Variants in COL4A3 observed in about 807,000 individuals in gnomAD.
COL4A3 encodes collagen type IV alpha 3 chain.
A neutral mutation model predicts 217.4 loss-of-function variants in COL4A3; 135 were observed. The observed-to-expected ratio is 0.62, with a 90% CI of 0.54 to 0.72. The LOEUF (loss-of-function observed/expected upper bound fraction) is 0.72, where lower values mean the gene tolerates loss of function less well. COL4A3 is among the 30% of genes least tolerant of loss of function. COL4A3 has a pLI of 0.00. For missense variants in COL4A3, 1,868 were observed against 2,119.9 expected, an observed-to-expected ratio of 0.88 and a Z score of 2.33; for synonymous variants, 690 against 736.3, an observed-to-expected ratio of 0.94 and a Z score of 1.02.
In COL4A3 at chr2:227,310,783, G is replaced by C. The variant is rs1396148189; in HGVS notation, c.4763G>C (p.Ser1588Thr). ...WKGFSFIMFT[S>T]AGSEGTGQAL... ...TTTTTAAAATTGTGGTAGTTCACAA[G>C]TGCAGGTTCTGAGGGCACCGGGCAA... Residue 1588 changes from serine to threonine, a missense_variant, in exon 51 of 52, where the codon AGT (serine) becomes ACT (threonine). This residue lies in a region of COL4A3 where 1,503 missense variants were observed against 1,786.1 expected (regional missense o/e 0.84). Transcript: ENST00000396578. 1 of 1,613,990 alleles carries C rather than the reference G, an allele frequency of 6.2e-7. No homozygotes were observed. The highest frequency in any genetic ancestry group is 8.5e-7 in the Non-Finnish European group (1 of 1,179,872).
At chr2:227,247,682 T>A in intron 8 of COL4A3, 98 bp downstream of exon 8, 1 of 1,223,716 alleles carries the variant, frequency 8.2e-7, no homozygotes, top group South Asian at 1.2e-5. Context: ...ACAAATAAGA[T>A]TTCATAATCC....
chr2:227,228,848 T>A (rs1212296578), intron 1 of COL4A3, among the ~76,000 whole-genome samples: 2 of 152,140 alleles, frequency 1.3e-5, no homozygotes, highest in Non-Finnish European at 2.9e-5. Flanking sequence ...CACCTGCAGT[T>A]TAGGGAAAGT....
At chr2:227,170,316 G>A (rs1022002338) in intron 1 of COL4A3, among the ~76,000 whole-genome samples, 1 of 151,214 alleles carries the variant, frequency 6.6e-6, no homozygotes, top group Middle Eastern at 3.2e-3. Flanking sequence ...TTGTATTACT[G>A]TGCTGACCAG....
intron 50 of COL4A3, 110 bp downstream of exon 50, chr2:227,309,428 G>A: frequency 9.9e-6 from 8 of 808,188 alleles, no homozygotes; most frequent in Non-Finnish European, 1.5e-5. Flanking sequence ...GTCCGTGTGT[G>A]CAACATGCCA....
In COL4A3 at chr2:227,297,830, G is replaced by C; in HGVS notation, c.3722G>C (p.Arg1241Pro). Residue 1241 changes from arginine (R) to proline (P), a missense_variant, in exon 42 of 52, where the codon CGT becomes CCT. Coordinates refer to ENST00000396578, the MANE Select transcript of COL4A3 (RefSeq NM_000091.5). ...GAIIPGQTGN[R>P]GPPGSRGSPG... is the part of the protein sequence containing the mutation. Reference sequence around the variant, plus strand: ...ATTATCCCTGGCCAGACAGGAAATCGTGGTCCACCAGGCTCAAGAGGAAGC... The same window carrying C: ...ATTATCCCTGGCCAGACAGGAAATCCTGGTCCACCAGGCTCAAGAGGAAGC... 1 of 1,563,892 alleles carries C rather than the reference G, an allele frequency of 6.4e-7. No individual in the cohort carries two copies. The highest frequency in any genetic ancestry group is 8.7e-7 in the Non-Finnish European group (1 of 1,153,366).
At chr2:227,302,738 G>C (rs1311713384) in intron 43 of COL4A3, among the ~76,000 whole-genome samples, 1 of 144,236 alleles carries the variant, frequency 6.9e-6, no homozygotes, top group African/African-American at 2.6e-5. Flanking sequence ...ACTCCATTTA[G>C]GACACAGAAT....
intron 1 of COL4A3, among the ~76,000 whole-genome samples, chr2:227,203,064 C>CATATATGTGT (rs1205818146): frequency 2.4e-4 from 2 of 8,436 alleles, no homozygotes; most frequent in Non-Finnish European, 3.8e-4. Flanking sequence ...TGTATATATA[C>CATATATGTGT]ATATATGTGT....
In COL4A3 at chr2:227,309,236, T is replaced by C. The variant is rs2073643599; in HGVS notation, c.4673T>C (p.Ile1558Thr). The part of the protein sequence containing the change: ...CTVCEGPAIA[I>T]AVHSQTTDIP... ...GTTTGTGAAGGTCCTGCGATCGCCA[T>C]AGCCGTTCACAGCCAAACCACTGAC... Residue 1558 changes from isoleucine to threonine, a missense_variant, in exon 50 of 52, where the codon ATA becomes ACA. Physicochemically the swap from Ile to Thr is moderately conservative, Grantham distance 89. Coordinates refer to ENST00000396578, the MANE Select transcript of COL4A3 (RefSeq NM_000091.5). The C allele has an allele frequency of 6.2e-7, 1 of 1,614,198 alleles. No homozygotes were observed. The highest frequency in any genetic ancestry group is 8.5e-7 in the Non-Finnish European group (1 of 1,180,030).
At chr2:227,252,645 G>A (rs2125929434) in intron 11 of COL4A3, among the ~76,000 whole-genome samples, 1 of 151,882 alleles carries the variant, frequency 6.6e-6, no homozygotes, top group Middle Eastern at 3.4e-3. Flanking sequence ...CACCCTGAGA[G>A]ATGGATAGGT....
chr2:227,247,501 GT>G lies in COL4A3; in HGVS notation c.442-56del. ...TAGCAGAGAGGGCAGAGCAGACCGAGTAGGAGTGTGTGCGTTTGATATTCCT... is the reference window on the plus strand; with the variant it reads ...TAGCAGAGAGGGCAGAGCAGACCGAGAGGAGTGTGTGCGTTTGATATTCCT... On this transcript the variant is annotated intron_variant, in intron 7 of 51. Coordinates refer to ENST00000396578, the MANE Select transcript of COL4A3 (RefSeq NM_000091.5). 5 of 1,554,298 alleles carry G rather than the reference GT, an allele frequency of 3.2e-6. 1 individual carries two copies. The South Asian group carries it at 5.6e-5, about 17-fold the overall frequency.
At chr2:227,226,075 T>C (rs1276623447) in intron 1 of COL4A3, among the ~76,000 whole-genome samples, 1 of 152,168 alleles carries the variant, frequency 6.6e-6, no homozygotes, top group Non-Finnish European at 1.5e-5. Flanking sequence ...TTCTCTGGAA[T>C]ATGAGGACAG....
intron 3 of COL4A3, among the ~76,000 whole-genome samples, chr2:227,243,318 G>T (rs974335728): frequency 6.6e-6 from 1 of 152,094 alleles, no homozygotes; most frequent in African/African-American, 2.4e-5. Flanking sequence ...ACAATCAAAG[G>T]CAGACAATTA....
chr2:227,266,593 T>A, intron 22 of COL4A3, 84 bp downstream of exon 22: 1 of 999,218 alleles, frequency 1.0e-6, no homozygotes, highest in Non-Finnish European at 1.6e-6. Context: ...GAGATAACAA[T>A]GATCCCAAAT....
In COL4A3 at chr2:227,238,009, G is replaced by T; in HGVS notation, c.129G>T (p.Gly43=). ...ACAAAGGCCAGTGCTTCTGTGACGGGGCCAAAGGGGAGAAGGTAAAAACAA... is the reference window on the plus strand; with the variant it reads ...ACAAAGGCCAGTGCTTCTGTGACGGTGCCAAAGGGGAGAAGGTAAAAACAA... The part of the protein sequence containing the change: ...CKDKGQCFCD[G]AKGEKGEKGF... Residue 43 remains glycine (G), a synonymous_variant, in exon 2 of 52, where the codon GGG becomes GGT. Coordinates refer to ENST00000396578, the MANE Select transcript of COL4A3 (RefSeq NM_000091.5). 1 of 1,607,194 alleles carries T rather than the reference G, an allele frequency of 6.2e-7. No homozygotes were observed. The highest frequency in any genetic ancestry group is 8.5e-7 in the Non-Finnish European group (1 of 1,173,894).
At chr2:227,205,430 T>C (rs1297769364) in intron 1 of COL4A3, among the ~76,000 whole-genome samples, 3 of 152,152 alleles carry the variant, frequency 2.0e-5, no homozygotes, top group Admixed American at 6.5e-5. Context: ...GTTTATAACA[T>C]AGGAGAATTT....
At chr2:227,299,459 G>C (rs931149644) in intron 43 of COL4A3, among the ~76,000 whole-genome samples, 1 of 152,110 alleles carries the variant, frequency 6.6e-6, no homozygotes, top group Non-Finnish European at 1.5e-5. Flanking sequence ...AGAATGGCAT[G>C]GGGGAAACCA....
chr2:227,183,997 A>G (rs2065936641), intron 1 of COL4A3, among the ~76,000 whole-genome samples: 1 of 152,094 alleles, frequency 6.6e-6, no homozygotes, highest in African/African-American at 2.4e-5. Flanking sequence ...TTCAATTTCT[A>G]TGTGCTGCCC....
Position 227,277,447 on chromosome 2 carries a change from A to C in COL4A3, c.2021-2A>C. The C allele has an allele frequency of 6.3e-7, 1 of 1,598,420 alleles. No individual in the cohort carries two copies. The highest frequency in any genetic ancestry group is 8.6e-7 in the Non-Finnish European group (1 of 1,167,556). ...AGATGCATATGTGTATTTGTTTCTA[A>C]GGTATCCCTGGATCCCTGGGGAAAT... On this transcript the variant is annotated splice_acceptor_variant, in intron 27 of 51. Coordinates refer to ENST00000396578, the MANE Select transcript of COL4A3 (RefSeq NM_000091.5). LOFTEE classifies it high-confidence loss of function.
intron 1 of COL4A3, among the ~76,000 whole-genome samples, chr2:227,196,655 C>G (rs1032026137): frequency 3.9e-5 from 6 of 152,038 alleles, no homozygotes; most frequent in Admixed American, 3.9e-4. Flanking sequence ...CGTATATTTT[C>G]TATGTTTAGA....
Sources: gnomAD v4.1 joint callset for allele counts (sites outside exome capture counted in the v4.1 genomes callset) on GRCh38, gnomAD v4.1.1 for gene constraint, gnomAD v4.1.1 regional missense constraint, MANE v1.5 for transcripts, NCBI Gene and HGNC (gene_info 2026-07-23, HGNC 2026-07-21) for gene names.